MYH15: variants seen among roughly 807,000 people sequenced by gnomAD.
The protein encoded by MYH15 is myosin heavy chain 15.
Under a neutral mutation model 240.5 loss-of-function variants are expected in MYH15, and 227 were observed. The ratio of observed to expected loss-of-function variants is 0.94; its 90% CI spans 0.85 to 1.05. MYH15 has a LOEUF of 1.05. Ranked by LOEUF, MYH15 falls within the 50% of genes least tolerant of loss-of-function variation. MYH15 has a pLI of 0.00. For missense variants in MYH15, 2,217 were observed against 2,247.5 expected (o/e 0.99, Z 0.27); for synonymous variants, 785 against 796.7 (o/e 0.99, Z 0.25).
chr3:108,449,662 C>T (rs1042854347), intron 21 of MYH15, among the ~76,000 whole-genome samples: 2 of 151,904 alleles, frequency 1.3e-5, no homozygotes, highest in Non-Finnish European at 2.9e-5. Flanking sequence ...AAGTTTCTGA[C>T]ATTGGTTTTG....
rs375824234 is a variant in MYH15, at chr3:108,470,093, C to T, written c.1503G>A (p.Val501=). 25 of 1,612,142 alleles carry T rather than the reference C, an allele frequency of 1.6e-5. No individual in the cohort carries two copies. Among genetic ancestry groups the T allele is most frequent in the Non-Finnish European group, 2.1e-5 (25 of 1,179,262 alleles). Residue 501 remains valine (V), a synonymous_variant, in exon 14 of 41, where the codon GTG becomes GTA. Transcript: ENST00000693548. ...EEYKKESIEW[V]SIGFGLDLQA... ...GCAAATCCAGACCAAAGCCAATAGA[C>T]ACCCATTCAATGCTTTCTTTCTTAT... is the stretch of plus-strand genomic sequence containing the variant.
chr3:108,394,637 T>C (rs1284311735), intron 35 of MYH15, among the ~76,000 whole-genome samples: 1 of 152,180 alleles, frequency 6.6e-6, no homozygotes, highest in Non-Finnish European at 1.5e-5. Flanking sequence ...TCCCTTCCTA[T>C]CTTACTTTAC....
intron 20 of MYH15, among the ~76,000 whole-genome samples, chr3:108,454,688 G>A (rs926296380): frequency 2.2e-5 from 3 of 138,610 alleles, no homozygotes; most frequent in African/African-American, 1.0e-4. Context: ...TCTAGAGTAA[G>A]GCACTTTTGT....
At chr3:108,425,429 A>G (rs928906241) in intron 27 of MYH15, among the ~76,000 whole-genome samples, 1 of 152,180 alleles carries the variant, frequency 6.6e-6, no homozygotes, top group African/African-American at 2.4e-5. Context: ...AAAAAGGAAG[A>G]CTAGAAGCAA....
At position 108,398,634 on chromosome 3, in the gene MYH15, C is replaced by G; in HGVS notation, c.5133+3G>C. On this transcript the variant is annotated splice_donor_region_variant and intron_variant, in intron 35 of 40. Coordinates refer to ENST00000693548, the MANE Select transcript of MYH15 (RefSeq NM_014981.3). ...GCTAATAGGGAGAGTATATGGGCCC[C>G]ACCTGGGTATAGAAAAGATTGATTC... is the stretch of plus-strand genomic sequence containing the variant. 1 of 1,612,612 alleles carries G rather than the reference C, an allele frequency of 6.2e-7. No homozygotes were observed. The highest frequency in any genetic ancestry group is 8.5e-7 in the Non-Finnish European group (1 of 1,180,016).
intron 11 of MYH15, among the ~76,000 whole-genome samples, chr3:108,484,174 T>C (rs2083288464): frequency 6.6e-6 from 1 of 152,176 alleles, no homozygotes; most frequent in African/African-American, 2.4e-5. Flanking sequence ...TTTGTTTCGG[T>C]TGTAAGGAAT....
At chr3:108,494,350 T>C (rs1215581507) in intron 7 of MYH15, among the ~76,000 whole-genome samples, 1 of 152,212 alleles carries the variant, frequency 6.6e-6, no homozygotes, top group Non-Finnish European at 1.5e-5. Flanking sequence ...ATTGAAAATT[T>C]TAACCCAGAT....
intron 16 of MYH15, 74 bp from the exon 17 acceptor site, chr3:108,460,441 G>A (rs1173611075): frequency 8.6e-7 from 1 of 1,163,600 alleles, no homozygotes; most frequent in African/African-American, 1.6e-5. Context: ...CTACCCCACT[G>A]ATGGAAGCAT....
At chr3:108,448,628 A>T (rs1167826847) in intron 21 of MYH15, among the ~76,000 whole-genome samples, 1 of 152,054 alleles carries the variant, frequency 6.6e-6, no homozygotes, top group Non-Finnish European at 1.5e-5. Context: ...GTAGGTATAG[A>T]AGGAAAGTAC....
intron 40 of MYH15, among the ~76,000 whole-genome samples, chr3:108,381,848 A>G (rs2082346148): frequency 6.6e-6 from 1 of 152,218 alleles, no homozygotes; most frequent in African/African-American, 2.4e-5. Flanking sequence ...AAGATTCTGC[A>G]GCCACATCAC....
intron 38 of MYH15, among the ~76,000 whole-genome samples, chr3:108,385,728 A>C (rs2107532474): frequency 6.6e-6 from 1 of 152,256 alleles, no homozygotes; most frequent in East Asian, 1.9e-4. Context: ...CATTTGACCT[A>C]TTCCATCAAG....
rs556451722 is a variant in MYH15, at chr3:108,410,961, G to A, written c.4146-29C>T. 8.4e-5 allele frequency: 129 copies of A among 1,533,760 alleles called. 1 individual carries two copies. The South Asian group carries it at 1.4e-3, about 16-fold the overall frequency. ...AGAAAGGAGGACACCCAAAGAGTGAGTGAGGCAATAACTCTCAGAGAGCTC... is the reference window on the plus strand; with the variant it reads ...AGAAAGGAGGACACCCAAAGAGTGAATGAGGCAATAACTCTCAGAGAGCTC... On this transcript the variant is annotated intron_variant, in intron 30 of 40. Transcript: ENST00000693548.
intron 21 of MYH15, among the ~76,000 whole-genome samples, chr3:108,450,740 A>G (rs1298696255): frequency 1.3e-5 from 2 of 152,216 alleles, no homozygotes; most frequent in Non-Finnish European, 2.9e-5. Flanking sequence ...GGTGATGATT[A>G]ATCAGTTTGA....
chr3:108,510,303 CA>C, intron 1 of MYH15, 139 bp downstream of exon 1: 2 of 1,114,554 alleles, frequency 1.8e-6, no homozygotes, highest in Non-Finnish European at 2.5e-6. Context: ...CTCAATTGCT[CA>C]GTTTCCTAGA....
intron 9 of MYH15, among the ~76,000 whole-genome samples, chr3:108,487,740 A>T (rs2083316895): frequency 6.6e-6 from 1 of 152,236 alleles, no homozygotes; most frequent in Non-Finnish European, 1.5e-5. Context: ...AGTTTCATAC[A>T]CACTCATATA....
At chr3:108,432,905 T>A (rs1023006651) in intron 25 of MYH15, among the ~76,000 whole-genome samples, 36 of 151,924 alleles carry the variant, frequency 2.4e-4, no homozygotes, top group African/African-American at 8.5e-4. Flanking sequence ...GCTATAGCAG[T>A]GTGGAAGGGA....
In MYH15 at chr3:108,464,743, G is replaced by A; in HGVS notation, c.1626C>T (p.Thr542=). 6 of 1,613,884 alleles carry A rather than the reference G, an allele frequency of 3.7e-6. No homozygotes were observed. The highest frequency in any genetic ancestry group is 5.1e-6 in the Non-Finnish European group (6 of 1,179,840). Residue 542 remains threonine (T), a synonymous_variant, in exon 15 of 41, where the codon ACC becomes ACT. Coordinates refer to ENST00000693548, the MANE Select transcript of MYH15 (RefSeq NM_014981.3). ...TTCCAAAATGGTTGTCAAAGAGTTTGGTCTTGAAAGTCAGGTCTGTAGCCT... is the reference window on the plus strand; with the variant it reads ...TTCCAAAATGGTTGTCAAAGAGTTTAGTCTTGAAAGTCAGGTCTGTAGCCT... ...FPKATDLTFK[T]KLFDNHFGKS...
the MYH15 span, among the ~76,000 whole-genome samples, chr3:108,547,028 A>C: frequency 1.3e-5 from 2 of 151,996 alleles, no homozygotes; most frequent in Non-Finnish European, 2.9e-5. Flanking sequence ...TATCATGCTC[A>C]TTATTCACAA....
chr3:108,462,785 A>G (rs1001051126), intron 16 of MYH15, among the ~76,000 whole-genome samples: 2 of 152,232 alleles, frequency 1.3e-5, no homozygotes, highest in East Asian at 3.9e-4. Flanking sequence ...ATAATTATAT[A>G]TATATAGTTA....
Sources: allele counts gnomAD v4.1 joint callset (sites outside exome capture counted in the v4.1 genomes callset), GRCh38; gene constraint gnomAD v4.1.1; transcripts MANE v1.5; gene names NCBI Gene and HGNC (gene_info 2026-07-23, HGNC 2026-07-21).